Variants in CFAP61 observed in about 807,000 individuals in gnomAD.
The protein encoded by CFAP61 is cilia and flagella associated protein 61, also known as cilia- and flagella-associated protein 61.
A neutral mutation model predicts 135.6 loss-of-function variants in CFAP61; 107 were observed. That is an observed-to-expected ratio of 0.79 (90% CI 0.67 to 0.93). The LOEUF is 0.93. Ranked by LOEUF, CFAP61 falls within the 40% of genes least tolerant of loss-of-function variation. The pLI is 0.00. For missense variants in CFAP61, 1,507 were observed against 1,556.2 expected (o/e 0.97, Z 0.53); for synonymous variants, 575 against 578.5 (o/e 0.99, Z 0.09).
chr20:20,168,146 A>G, intron 12 of CFAP61, among the ~76,000 whole-genome samples: 1 of 152,156 alleles, frequency 6.6e-6, no homozygotes, highest in Non-Finnish European at 1.5e-5. Flanking sequence ...ATCATAGCTC[A>G]CTGCTGCCTC....
intron 2 of CFAP61, among the ~76,000 whole-genome samples, chr20:20,062,091 C>T (rs147041492): frequency 2.0e-5 from 3 of 152,208 alleles, no homozygotes; most frequent in East Asian, 1.9e-4. Flanking sequence ...GAGGCCATAT[C>T]GTAAGAGAGA....
At chr20:20,300,734 T>C (rs750457734) in intron 25 of CFAP61, among the ~76,000 whole-genome samples, 5 of 151,832 alleles carry the variant, frequency 3.3e-5, no homozygotes, top group Admixed American at 6.6e-5. Flanking sequence ...GCCTCCCAAG[T>C]AGGTGGGATT....
chr20:20,249,333 G>A (rs1409398261), intron 19 of CFAP61, among the ~76,000 whole-genome samples: 2 of 151,836 alleles, frequency 1.3e-5, no homozygotes, highest in African/African-American at 4.8e-5. Context: ...CCCAGGAGTT[G>A]AAGACCAGCC....
chr20:20,118,253 GTTTCTTTCTTTC>G (rs148875515), intron 8 of CFAP61, among the ~76,000 whole-genome samples: 6,223 of 138,508 alleles, frequency 0.045, 161 homozygotes, highest in South Asian at 0.071. Flanking sequence ...TTTGAGGTAT[GTTTCTTTCTTTC>G]TTTCTTTCTT....
At chr20:20,315,996 G>C (rs1343545652) in intron 25 of CFAP61, among the ~76,000 whole-genome samples, 18 of 152,214 alleles carry the variant, frequency 1.2e-4, no homozygotes, top group Non-Finnish European at 2.4e-4. Context: ...TGTTCTTTTG[G>C]CTCAGGATTG....
intron 21 of CFAP61, among the ~76,000 whole-genome samples, chr20:20,268,085 A>G (rs547147739): frequency 6.6e-6 from 1 of 152,236 alleles, no homozygotes; most frequent in Non-Finnish European, 1.5e-5. Flanking sequence ...CTTTTTCTTC[A>G]TGTCACCCTA....
At chr20:20,137,687 T>C (rs1029712700) in intron 8 of CFAP61, among the ~76,000 whole-genome samples, 2 of 152,158 alleles carry the variant, frequency 1.3e-5, no homozygotes, top group Non-Finnish European at 2.9e-5. Flanking sequence ...AGAGATGCCA[T>C]TCAAGAGCCA....
chr20:20,296,329 T>TTCCTTCCTTCCTTCCC (rs1569260727), intron 24 of CFAP61, among the ~76,000 whole-genome samples: 22 of 29,386 alleles, frequency 7.5e-4, no homozygotes, highest in African/African-American at 2.0e-3. Flanking sequence ...CTTCCTTCCC[T>TTCCTTCCTTCCTTCCC]TCCTTCCTTC....
intron 8 of CFAP61, among the ~76,000 whole-genome samples, chr20:20,128,057 G>A (rs754559961): frequency 6.6e-6 from 1 of 151,682 alleles, no homozygotes; most frequent in Non-Finnish European, 1.5e-5. Flanking sequence ...CCAGTAGTCT[G>A]TTTCCATGTG....
chr20:20,265,643 G>T, intron 21 of CFAP61: 2 of 646,898 alleles, frequency 3.1e-6, no homozygotes, highest in East Asian at 2.6e-5. Flanking sequence ...CTCCAGGTCT[G>T]GTGCTTAATG....
rs2048030437 is a variant in CFAP61, at chr20:20,101,647, T to G, written c.859+2833T>G. Among the ~76,000 whole-genome samples, 3 of 54,662 alleles carry G rather than the reference T, an allele frequency of 5.5e-5. No homozygotes were observed. In the South Asian group the frequency reaches 2.9e-3, roughly 52 times the overall value. 35.9% of individuals were successfully genotyped at this position (54,662 alleles called of 152,430 possible). On this transcript the variant is annotated intron_variant, in intron 8 of 26. Coordinates refer to ENST00000245957, the MANE Select transcript of CFAP61 (RefSeq NM_015585.4). ...TTTTATTATTGTTATTTTTTTGAGA[T>G]GAAGGCCCCCCTCTGTCACCCAGGT...
chr20:20,107,481 T>C (rs1416262122), intron 8 of CFAP61, among the ~76,000 whole-genome samples: 1 of 152,166 alleles, frequency 6.6e-6, no homozygotes, highest in African/African-American at 2.4e-5. Flanking sequence ...TGAATCAATT[T>C]TGGAAATAAG....
intron 13 of CFAP61, among the ~76,000 whole-genome samples, chr20:20,174,145 T>C (rs2054429580): frequency 1.3e-5 from 2 of 152,218 alleles, no homozygotes; most frequent in African/African-American, 4.8e-5. Flanking sequence ...GGTTCTTTTC[T>C]GAAATATTAA....
intron 17 of CFAP61, among the ~76,000 whole-genome samples, chr20:20,208,056 T>A (rs1158059172): frequency 6.6e-6 from 1 of 152,212 alleles, no homozygotes; most frequent in Non-Finnish European, 1.5e-5. Context: ...GGCCCTGCAT[T>A]ACATCCTGTC....
chr20:20,167,020 A>G lies in CFAP61; in HGVS notation c.1245+584A>G, dbSNP rs563109095. Among the ~76,000 whole-genome samples, 54 of 152,314 alleles carry G rather than the reference A, an allele frequency of 3.5e-4. No individual in the cohort carries two copies. The South Asian group carries it at 0.011, about 31-fold the overall frequency. On this transcript the variant is annotated intron_variant, in intron 12 of 26. Transcript: ENST00000245957. ...CATTATTTTCTAGGGATGAAGATCTAACCAAACTCTTACACTTCTTTATTG... is the reference window on the plus strand; with the variant it reads ...CATTATTTTCTAGGGATGAAGATCTGACCAAACTCTTACACTTCTTTATTG...
chr20:20,175,044 G>C (rs530064896), intron 13 of CFAP61, among the ~76,000 whole-genome samples: 1 of 152,272 alleles, frequency 6.6e-6, no homozygotes, highest in Non-Finnish European at 1.5e-5. Flanking sequence ...CAACAGCCAG[G>C]GTCCTTTGTA....
intron 26 of CFAP61, among the ~76,000 whole-genome samples, chr20:20,347,638 G>A (rs973702190): frequency 2.6e-5 from 4 of 152,148 alleles, no homozygotes; most frequent in Admixed American, 2.6e-4. Flanking sequence ...CAAATTATTA[G>A]AAATGAACAA....
At chr20:20,344,348 G>A (rs1043839976) in intron 26 of CFAP61, among the ~76,000 whole-genome samples, 1 of 152,162 alleles carries the variant, frequency 6.6e-6, no homozygotes, top group Admixed American at 6.5e-5. Context: ...CTGTGGAAAC[G>A]ACAGCCACAC....
intron 17 of CFAP61, among the ~76,000 whole-genome samples, chr20:20,205,214 G>T (rs2056805590): frequency 6.6e-6 from 1 of 152,168 alleles, no homozygotes; most frequent in Non-Finnish European, 1.5e-5. Flanking sequence ...AACTACTGTT[G>T]CATTACTGTT....
Sources: allele counts gnomAD v4.1 joint callset (sites outside exome capture counted in the v4.1 genomes callset), GRCh38; gene constraint gnomAD v4.1.1; transcripts MANE v1.5; gene names NCBI Gene and HGNC (gene_info 2026-07-23, HGNC 2026-07-21).